The following DPP10 variants were observed in gnomAD, a reference collection of about 807,000 sequenced individuals.
DPP10 encodes the protein inactive dipeptidyl peptidase 10.
DPP10 carries 33 observed loss-of-function variants against 120.9 expected under a neutral mutation model. The observed-to-expected ratio is 0.27, with a 90% confidence interval of 0.21 to 0.37. The LOEUF is 0.37. DPP10 is among the 10% of genes least tolerant of loss of function. The probability of loss-of-function intolerance (pLI) is 1.00; values close to 1 mark genes in which losing one functional copy is unlikely to be tolerated. For synonymous variants in DPP10, 337 were observed against 326.1 expected, an observed-to-expected ratio of 1.03 and a Z score of -0.36; for missense variants, 816 against 942.8, an observed-to-expected ratio of 0.87 and a Z score of 1.76.
At chr2:114,860,832 A>G (rs899326613) in intron 1 of DPP10, among the ~76,000 whole-genome samples, 9 of 152,194 alleles carry the variant, frequency 5.9e-5, no homozygotes, top group Non-Finnish European at 2.9e-5. Context: ...TTTAAAGAGT[A>G]TTTAATAAAA....
At chr2:115,812,782 G>T (rs1405787696) in intron 19 of DPP10, among the ~76,000 whole-genome samples, 3 of 151,952 alleles carry the variant, frequency 2.0e-5, no homozygotes, top group Non-Finnish European at 2.9e-5. Flanking sequence ...TTTATTTACG[G>T]TGTTTCTTTA....
intron 1 of DPP10, among the ~76,000 whole-genome samples, chr2:114,662,109 C>T (rs1402954801): frequency 6.6e-6 from 1 of 152,128 alleles, no homozygotes; most frequent in Non-Finnish European, 1.5e-5. Flanking sequence ...CTGGAAAGGC[C>T]TCTGCCGCTC....
chr2:115,216,520 G>A (rs901678214), intron 1 of DPP10, among the ~76,000 whole-genome samples: 1 of 151,854 alleles, frequency 6.6e-6, no homozygotes, highest in Non-Finnish European at 1.5e-5. Context: ...GCAGTGGCTC[G>A]TGCCTGTAAT....
intron 13 of DPP10, among the ~76,000 whole-genome samples, chr2:115,771,245 T>G (rs1681428519): frequency 6.6e-6 from 1 of 152,004 alleles, no homozygotes. Flanking sequence ...TGGCTAATTT[T>G]TGTATTTTTA....
chr2:115,403,876 T>C lies in DPP10; in HGVS notation c.271+59964T>C, dbSNP rs1192460587. On this transcript the variant is annotated intron_variant, in intron 3 of 25. Coordinates refer to ENST00000410059, the MANE Select transcript of DPP10 (RefSeq NM_020868.6). Reference sequence around the variant, plus strand: ...GACATCATAAAAAAACTATTAGAACTGATCAATGAATGCACTAGAGTTGCA... The same window carrying C: ...GACATCATAAAAAAACTATTAGAACCGATCAATGAATGCACTAGAGTTGCA... 2.0e-5 allele frequency among the ~76,000 whole-genome samples: 3 copies of C among 152,212 alleles called. No homozygotes were observed. In the East Asian group the frequency reaches 5.8e-4, roughly 29 times the overall value.
At chr2:114,967,377 AT>A (rs1187136484) in intron 1 of DPP10, among the ~76,000 whole-genome samples, 1 of 152,030 alleles carries the variant, frequency 6.6e-6, no homozygotes, top group Non-Finnish European at 1.5e-5. Flanking sequence ...ACACAGATGG[AT>A]TTTTGGGTGA....
intron 1 of DPP10, among the ~76,000 whole-genome samples, chr2:115,079,241 G>A (rs1489766910): frequency 2.0e-5 from 3 of 152,130 alleles, no homozygotes; most frequent in East Asian, 3.9e-4. Context: ...TTAGCCGGAC[G>A]TGGTGGCGGG....
chr2:115,623,478 A>AAGTT (rs1222560076), intron 5 of DPP10, among the ~76,000 whole-genome samples: 3 of 152,200 alleles, frequency 2.0e-5, no homozygotes, highest in Non-Finnish European at 4.4e-5. Flanking sequence ...TTTATTTAAC[A>AAGTT]AGTTATTACA....
At chr2:115,167,217 C>T (rs1229792825) in intron 1 of DPP10, among the ~76,000 whole-genome samples, 1 of 149,222 alleles carries the variant, frequency 6.7e-6, no homozygotes, top group African/African-American at 2.5e-5. Context: ...ACCAAGTCTT[C>T]TTATTAAATG....
intron 1 of DPP10, among the ~76,000 whole-genome samples, chr2:115,195,168 G>A (rs1046384511): frequency 6.6e-6 from 1 of 152,178 alleles, no homozygotes; most frequent in Non-Finnish European, 1.5e-5. Context: ...CTGAGACATT[G>A]AAAGGGATTC....
At chr2:115,786,515 A>T (rs2149891247) in intron 17 of DPP10, among the ~76,000 whole-genome samples, 1 of 151,540 alleles carries the variant, frequency 6.6e-6, no homozygotes, top group South Asian at 2.1e-4. Flanking sequence ...AATAATAATA[A>T]AAAAAAAGAG....
rs140775418 is a variant in DPP10, at chr2:114,647,219, A to G, written c.60+204381A>G. On this transcript the variant is annotated intron_variant, in intron 1 of 25. Transcript: ENST00000410059. Reference sequence around the variant, plus strand: ...GATGGCTCCAGGTGTCCATCTTTCTATCTTCCCTTGTTATCACTTTCCCTG... The same window carrying G: ...GATGGCTCCAGGTGTCCATCTTTCTGTCTTCCCTTGTTATCACTTTCCCTG... 2.5e-3 allele frequency among the ~76,000 whole-genome samples: 376 copies of G among 152,306 alleles called. 4 individuals are homozygous for G. Among genetic ancestry groups the G allele is most frequent in the Non-Finnish European group, 4.5e-3 (304 of 68,028 alleles).
intron 1 of DPP10, among the ~76,000 whole-genome samples, chr2:114,725,867 C>T (rs1702006796): frequency 6.6e-6 from 1 of 152,156 alleles, no homozygotes. Context: ...ATCTCCTAAA[C>T]CGAAATGACA....
chr2:114,875,357 A>G (rs1456414835), intron 1 of DPP10, among the ~76,000 whole-genome samples: 1 of 152,170 alleles, frequency 6.6e-6, no homozygotes, highest in Non-Finnish European at 1.5e-5. Flanking sequence ...TGAATAAATT[A>G]CAACCTAGCA....
intron 1 of DPP10, among the ~76,000 whole-genome samples, chr2:114,700,277 C>T (rs776080609): frequency 2.0e-5 from 3 of 152,044 alleles, no homozygotes; most frequent in Admixed American, 2.0e-4. Flanking sequence ...TGCCCCTGTC[C>T]CAATGGCTGT....
rs189229059 is a variant in DPP10, at chr2:114,555,908, C to T, written c.60+113070C>T. Among the ~76,000 whole-genome samples, 9 of 152,108 alleles carry T rather than the reference C, an allele frequency of 5.9e-5. No individual in the cohort carries two copies. The East Asian group carries it at 1.7e-3, about 30-fold the overall frequency. On this transcript the variant is annotated intron_variant, in intron 1 of 25. Coordinates refer to ENST00000410059, the MANE Select transcript of DPP10 (RefSeq NM_020868.6). ...AGTATCCTCAAGGCACAAGTAACAT[C>T]CTATGTGATGGAACACTTGGGCCAG...
At chr2:114,875,346 A>G (rs28645866) in intron 1 of DPP10, among the ~76,000 whole-genome samples, 6 of 152,168 alleles carry the variant, frequency 3.9e-5, no homozygotes, top group African/African-American at 9.7e-5. Flanking sequence ...CAGACCACAA[A>G]TGAATAAATT....
chr2:114,627,251 T>A (rs958561421), intron 1 of DPP10, among the ~76,000 whole-genome samples: 28 of 152,138 alleles, frequency 1.8e-4, no homozygotes, highest in African/African-American at 6.8e-4. Flanking sequence ...AGAGAACAGA[T>A]GGAATCCCAC....
At chr2:115,270,393 C>G (rs1379761729) in intron 1 of DPP10, among the ~76,000 whole-genome samples, 1 of 151,780 alleles carries the variant, frequency 6.6e-6, no homozygotes, top group Non-Finnish European at 1.5e-5. Context: ...AGATCAGGAG[C>G]AGATAGAAAG....
Sources: gnomAD v4.1 joint callset for allele counts (sites outside exome capture counted in the v4.1 genomes callset) on GRCh38, gnomAD v4.1.1 for gene constraint, MANE v1.5 for transcripts, NCBI Gene and HGNC (gene_info 2026-07-23, HGNC 2026-07-21) for gene names.